The following PHF14 variants were observed in gnomAD, a reference collection of about 807,000 sequenced individuals.
The protein encoded by PHF14 is PHD finger protein 14.
A neutral mutation model predicts 117.9 loss-of-function variants in PHF14; 55 were observed. The observed-to-expected ratio is 0.47, with a 90% CI of 0.38 to 0.58. PHF14 has a LOEUF of 0.58. Among genes scored for constraint, PHF14 ranks in the 20% least tolerant of loss-of-function variants. The pLI is 0.00. For synonymous variants in PHF14, 409 were observed against 368.6 expected (o/e 1.11, Z -1.26); for missense variants, 978 against 1,122.2 (o/e 0.87, Z 1.84).
intron 17 of PHF14, among the ~76,000 whole-genome samples, chr7:11,137,558 A>G (rs910083534): frequency 1.4e-5 from 2 of 148,080 alleles, no homozygotes; most frequent in African/African-American, 2.5e-5. Flanking sequence ...AAAGTTAAAC[A>G]TTAATCACTT....
chr7:11,064,379 CAAATAAGATATTTT>C (rs1264577996), intron 16 of PHF14, among the ~76,000 whole-genome samples: 1 of 151,690 alleles, frequency 6.6e-6, no homozygotes, highest in Non-Finnish European at 1.5e-5. Context: ...TTTTAACTTT[CAAATAAGATATTTT>C]AAATAAGGAT....
At chr7:11,070,314 A>G (rs1785571815) in intron 16 of PHF14, among the ~76,000 whole-genome samples, 1 of 152,002 alleles carries the variant, frequency 6.6e-6, no homozygotes, top group Non-Finnish European at 1.5e-5. Flanking sequence ...GTGAACTCAA[A>G]CAATCCTCTA....
chr7:11,040,324 G>C (rs1226055631), intron 11 of PHF14, among the ~76,000 whole-genome samples: 1 of 152,004 alleles, frequency 6.6e-6, no homozygotes, highest in Non-Finnish European at 1.5e-5. Context: ...CTGGGGTGCT[G>C]AAGAAAATAA....
At chr7:11,026,909 A>G (rs1437679593) in intron 6 of PHF14, among the ~76,000 whole-genome samples, 2 of 152,112 alleles carry the variant, frequency 1.3e-5, no homozygotes, top group Non-Finnish European at 2.9e-5. Flanking sequence ...GCAAAATCAG[A>G]TACAATGTTG....
chr7:11,003,880 C>T (rs529610988), intron 4 of PHF14, among the ~76,000 whole-genome samples: 1 of 152,200 alleles, frequency 6.6e-6, no homozygotes, highest in East Asian at 1.9e-4. Context: ...CCTTGTGTAC[C>T]AGGGGTTTTT....
intron 16 of PHF14, among the ~76,000 whole-genome samples, chr7:11,068,009 C>G (rs1785480182): frequency 1.3e-5 from 2 of 152,120 alleles, no homozygotes; most frequent in Admixed American, 6.6e-5. Flanking sequence ...TGACAGGTAT[C>G]CAAACCATAG....
chr7:11,169,319 AGTT>A, intron 17 of PHF14, 94 bp from the exon 18 acceptor site: 1 of 569,370 alleles, frequency 1.8e-6, no homozygotes. Context: ...GAATCACAGT[AGTT>A]CATAGTTCTA....
chr7:11,007,515 A>G (rs1273955521), intron 4 of PHF14, among the ~76,000 whole-genome samples: 3 of 152,154 alleles, frequency 2.0e-5, no homozygotes, highest in Non-Finnish European at 4.4e-5. Context: ...AAAGTGTAAT[A>G]AGTAGCTAGT....
At chr7:11,058,705 G>A (rs1785103476) in intron 14 of PHF14, among the ~76,000 whole-genome samples, 1 of 152,128 alleles carries the variant, frequency 6.6e-6, no homozygotes, top group Non-Finnish European at 1.5e-5. Flanking sequence ...TTTAGTTTAA[G>A]TATTTACGTG....
chr7:11,027,406 T>C lies in PHF14; in HGVS notation c.1318-1275T>C, dbSNP rs79710593. Among the ~76,000 whole-genome samples the C allele has an allele frequency of 4.6e-3, 703 of 152,288 alleles. 4 individuals carry two copies. The highest frequency in any genetic ancestry group is 6.7e-3 in the Non-Finnish European group (457 of 67,988). On this transcript the variant is annotated intron_variant, in intron 6 of 17. Coordinates refer to ENST00000634607, the MANE Select transcript of PHF14 (RefSeq NM_001007157.2). ...TTATGTAGTTCACTTTGAATACTTA[T>C]ATTAAACAATTCTTTAATTGTCCAT...
chr7:11,014,369 A>G (rs1012355904), intron 5 of PHF14, among the ~76,000 whole-genome samples: 1 of 152,162 alleles, frequency 6.6e-6, no homozygotes, highest in Non-Finnish European at 1.5e-5. Context: ...TATAAGGTAT[A>G]AAAAAACTCT....
chr7:11,125,037 CCTTT>C (rs1243921837), intron 17 of PHF14, among the ~76,000 whole-genome samples: 2 of 151,924 alleles, frequency 1.3e-5, no homozygotes, highest in African/African-American at 4.8e-5. Flanking sequence ...TCCTCAGGGC[CCTTT>C]CTTCATGAAA....
At chr7:10,975,384 G>T (rs895316999) in intron 2 of PHF14, among the ~76,000 whole-genome samples, 4 of 152,064 alleles carry the variant, frequency 2.6e-5, no homozygotes, top group African/African-American at 9.7e-5. Context: ...TCTTTTACTA[G>T]AATAAAATTG....
chr7:11,109,493 A>G (rs972438899), intron 16 of PHF14: 3 of 151,364 alleles, frequency 2.0e-5, no homozygotes, highest in African/African-American at 7.2e-5. Context: ...TCCAGTTTTT[A>G]TGTATGAAGG....
intron 17 of PHF14, among the ~76,000 whole-genome samples, chr7:11,165,775 G>T (rs1471983464): frequency 1.3e-5 from 2 of 152,110 alleles, no homozygotes; most frequent in Admixed American, 1.3e-4. Context: ...GAAAAACCGA[G>T]GGTCTCCTCT....
chr7:11,095,132 G>A (rs746920246), intron 16 of PHF14, among the ~76,000 whole-genome samples: 12 of 152,192 alleles, frequency 7.9e-5, no homozygotes, highest in African/African-American at 4.8e-5. Context: ...GATAGTAAGA[G>A]TGGTTGAGTT....
chr7:11,023,058 T>C (rs1398495798), intron 6 of PHF14, 79 bp downstream of exon 6: 92 of 667,852 alleles, frequency 1.4e-4, no homozygotes, highest in East Asian at 2.9e-5. Flanking sequence ...ATTTGTATTA[T>C]GTTGACTGCA....
chr7:10,974,829 T>G lies in PHF14; in HGVS notation c.2-6T>G. ...GAATGACAATGTAATTTTTTTCTCT[T>G]CACAGTGGATCGCAGCTCCAAGAGG... On this transcript the variant is annotated splice_polypyrimidine_tract_variant and splice_region_variant and intron_variant, in intron 1 of 17. Transcript: ENST00000634607. 1 of 1,490,506 alleles carries G rather than the reference T, an allele frequency of 6.7e-7. No individual in the cohort carries two copies. Among genetic ancestry groups the G allele is most frequent in the Non-Finnish European group, 9.2e-7 (1 of 1,086,358 alleles). The allele number at this position is 1,490,506 out of a possible 1,614,324, so 92.3% of individuals were successfully genotyped here. A position where few individuals can be genotyped will look rare whatever the true frequency, so the allele number is the denominator to read the frequency against.
At chr7:11,068,468 A>G (rs991215916) in intron 16 of PHF14, among the ~76,000 whole-genome samples, 1 of 152,138 alleles carries the variant, frequency 6.6e-6, no homozygotes, top group Non-Finnish European at 1.5e-5. Context: ...TTCCACTTAC[A>G]TGAGATTCCT....
Sources: allele counts gnomAD v4.1 joint callset (sites outside exome capture counted in the v4.1 genomes callset), GRCh38; gene constraint gnomAD v4.1.1; transcripts MANE v1.5; gene names NCBI Gene and HGNC (gene_info 2026-07-23, HGNC 2026-07-21).